INPP4B: variants seen among roughly 807,000 people sequenced by gnomAD.
INPP4B encodes the protein inositol polyphosphate-4-phosphatase type II B, also known as inositol polyphosphate 4-phosphatase type II.
In INPP4B, 55 loss-of-function variants were observed where a neutral mutation model predicts 122.5. That is an observed-to-expected ratio of 0.45 (90% confidence interval 0.36 to 0.56). The LOEUF is 0.56. INPP4B is among the 20% of genes least tolerant of loss of function. The pLI, the probability that INPP4B is intolerant of heterozygous loss-of-function variation, is 0.00. For synonymous variants in INPP4B, 403 were observed against 388.7 expected, an observed-to-expected ratio of 1.04 and a Z score of -0.43; for missense variants, 1,000 against 1,097.7, an observed-to-expected ratio of 0.91 and a Z score of 1.26.
chr4:142,410,658 T>C (rs1380778168), intron 5 of INPP4B, among the ~76,000 whole-genome samples: 1 of 152,194 alleles, frequency 6.6e-6, no homozygotes. Flanking sequence ...GAGAGCTATA[T>C]ATGACTTTGG....
intron 5 of INPP4B, among the ~76,000 whole-genome samples, chr4:142,419,272 G>C (rs1806385306): frequency 6.6e-6 from 1 of 152,142 alleles, no homozygotes; most frequent in Non-Finnish European, 1.5e-5. Context: ...AGAAAGCTCT[G>C]TGGAAAAGTG....
At chr4:142,614,741 C>T (rs1464575366) in intron 2 of INPP4B, among the ~76,000 whole-genome samples, 1 of 152,030 alleles carries the variant, frequency 6.6e-6, no homozygotes, top group Admixed American at 6.6e-5. Flanking sequence ...CATGAACAGA[C>T]ATTTTTTCAA....
chr4:142,214,961 A>G (rs1296609334), intron 12 of INPP4B, among the ~76,000 whole-genome samples: 2 of 152,236 alleles, frequency 1.3e-5, no homozygotes, highest in African/African-American at 4.8e-5. Flanking sequence ...GTACCACAAT[A>G]TGTTAGAGGT....
chr4:142,393,789 T>C (rs1798477408), intron 7 of INPP4B, among the ~76,000 whole-genome samples: 1 of 152,216 alleles, frequency 6.6e-6, no homozygotes, highest in Admixed American at 6.5e-5. Flanking sequence ...CAAAGGCCGA[T>C]CTGTAACCAA....
intron 18 of INPP4B, among the ~76,000 whole-genome samples, chr4:142,131,508 T>A (rs746069801): frequency 3.2e-4 from 48 of 152,250 alleles, no homozygotes; most frequent in Non-Finnish European, 3.7e-4. Flanking sequence ...TTTTGCTATA[T>A]GCATGAAATG....
At chr4:142,223,794 T>C (rs1046986142) in intron 12 of INPP4B, among the ~76,000 whole-genome samples, 1 of 152,170 alleles carries the variant, frequency 6.6e-6, no homozygotes, top group Non-Finnish European at 1.5e-5. Context: ...ATAATATTAA[T>C]CAGGTGTGAG....
chr4:142,055,198 T>C (rs967466747), intron 25 of INPP4B, among the ~76,000 whole-genome samples: 1 of 152,110 alleles, frequency 6.6e-6, no homozygotes, highest in Non-Finnish European at 1.5e-5. Flanking sequence ...AACACGCTTT[T>C]CAATAGTGTG....
chr4:142,439,053 G>A (rs905784070), intron 3 of INPP4B, among the ~76,000 whole-genome samples: 23 of 152,286 alleles, frequency 1.5e-4, no homozygotes, highest in Non-Finnish European at 1.9e-4. Flanking sequence ...GACCTGCTGT[G>A]AGAAATACAG....
At chr4:142,363,937 A>ATGCCAGC (rs1488860043) in intron 7 of INPP4B, among the ~76,000 whole-genome samples, 5 of 152,078 alleles carry the variant, frequency 3.3e-5, no homozygotes, top group Non-Finnish European at 5.9e-5. Context: ...ACTGGAATTC[A>ATGCCAGC]TGCCAGCTGC....
chr4:142,092,382 C>A (rs191601060), intron 23 of INPP4B, among the ~76,000 whole-genome samples: 252 of 152,264 alleles, frequency 1.7e-3, no homozygotes, highest in African/African-American at 5.8e-3. Flanking sequence ...CCTCTGCCTC[C>A]CTGGTTCAAG....
intron 2 of INPP4B, among the ~76,000 whole-genome samples, chr4:142,526,373 A>G (rs1224077405): frequency 1.3e-5 from 2 of 152,044 alleles, no homozygotes; most frequent in African/African-American, 4.8e-5. Context: ...ATTTCTCCAC[A>G]GTATTTCTTT....
At chr4:142,628,557 T>TAAAAAAAAAAAA (rs35955830) in intron 2 of INPP4B, among the ~76,000 whole-genome samples, 1 of 99,926 alleles carries the variant, frequency 1.0e-5, no homozygotes, top group Admixed American at 1.1e-4. Flanking sequence ...AAACTTAAAG[T>TAAAAAAAAAAAA]AAAAAAAAAA....
intron 11 of INPP4B, among the ~76,000 whole-genome samples, chr4:142,243,975 A>G (rs1300142287): frequency 6.6e-6 from 1 of 151,860 alleles, no homozygotes; most frequent in Non-Finnish European, 1.5e-5. Flanking sequence ...GGTTTGATAC[A>G]TAGGTATACA....
intron 17 of INPP4B, among the ~76,000 whole-genome samples, chr4:142,159,261 G>GAAA (rs5862573): frequency 6.8e-6 from 1 of 147,700 alleles, no homozygotes; most frequent in African/African-American, 2.5e-5. Flanking sequence ...TTGGAACTGT[G>GAAA]AAAAAAAAAA....
Position 142,250,707 on chromosome 4 carries a change from C to T in INPP4B, c.688+9785G>A, listed in dbSNP as rs539094841. On this transcript the variant is annotated intron_variant, in intron 11 of 25. Transcript: ENST00000262992. ...TCCAGTCTTTATAACATTTGACTTT[C>T]ATTTAGTCTCATCTTCCCCTGATAA... Among the ~76,000 whole-genome samples the T allele has an allele frequency of 2.0e-5, 3 of 152,046 alleles. No homozygotes were observed. The East Asian group carries it at 5.8e-4, about 29-fold the overall frequency.
At chr4:142,220,206 G>A (rs1848817244) in intron 12 of INPP4B, among the ~76,000 whole-genome samples, 1 of 152,024 alleles carries the variant, frequency 6.6e-6, no homozygotes, top group South Asian at 2.1e-4. Context: ...AAATTCTTGG[G>A]GGAGTACAGT....
At chr4:142,623,070 C>T (rs763278117) in intron 2 of INPP4B, among the ~76,000 whole-genome samples, 9 of 151,936 alleles carry the variant, frequency 5.9e-5, no homozygotes, top group Admixed American at 2.0e-4. Flanking sequence ...TGAGGTGACC[C>T]GTGGAAATCA....
chr4:142,180,233 AACTAT>A (rs1470346002), intron 15 of INPP4B, among the ~76,000 whole-genome samples: 10 of 152,186 alleles, frequency 6.6e-5, no homozygotes, highest in Admixed American at 6.5e-4. Context: ...ATTCTAGACA[AACTAT>A]ACTATAATAA....
intron 7 of INPP4B, among the ~76,000 whole-genome samples, chr4:142,360,968 G>A (rs1264582299): frequency 6.6e-6 from 1 of 151,864 alleles, no homozygotes; most frequent in Non-Finnish European, 1.5e-5. Context: ...TTGTGTGCAT[G>A]TGCTATTGTT....
Sources: allele counts gnomAD v4.1 joint callset (sites outside exome capture counted in the v4.1 genomes callset), GRCh38; gene constraint gnomAD v4.1.1; transcripts MANE v1.5; gene names NCBI Gene and HGNC (gene_info 2026-07-23, HGNC 2026-07-21).